Variants in GRIK1 observed in about 807,000 individuals in gnomAD.
The protein encoded by GRIK1 is glutamate ionotropic receptor kainate type subunit 1.
In GRIK1, 69 loss-of-function variants were observed where a neutral mutation model predicts 105.7. The observed-to-expected ratio is 0.65, with a 90% CI of 0.54 to 0.80. The LOEUF (loss-of-function observed/expected upper bound fraction) is 0.80, where lower values mean the gene tolerates loss of function less well. Ranked by LOEUF, GRIK1 falls within the 30% of genes least tolerant of loss-of-function variation. The pLI is 0.00. For synonymous variants in GRIK1, 438 were observed against 431.3 expected, an observed-to-expected ratio of 1.02 and a Z score of -0.19; for missense variants, 1,109 against 1,167.3, an observed-to-expected ratio of 0.95 and a Z score of 0.73.
intron 7 of GRIK1, among the ~76,000 whole-genome samples, chr21:29,600,229 T>C (rs1194037920): frequency 2.0e-5 from 3 of 152,230 alleles, no homozygotes; most frequent in African/African-American, 7.2e-5. Flanking sequence ...CTTTTTGCTA[T>C]ATAAATTAAC....
At chr21:29,793,611 C>T (rs560996289) in intron 1 of GRIK1, among the ~76,000 whole-genome samples, 266 of 152,204 alleles carry the variant, frequency 1.7e-3, no homozygotes, top group Admixed American at 4.3e-3. Flanking sequence ...GGAAAGCTGC[C>T]TTCCCCTACT....
In GRIK1 at chr21:29,872,626, G is replaced by A. The variant is rs540114198; in HGVS notation, c.118+66757C>T. Among the ~76,000 whole-genome samples the A allele has an allele frequency of 3.3e-5, 5 of 152,294 alleles. No homozygotes were observed. The South Asian group carries it at 1.0e-3, about 32-fold the overall frequency. ...AAACTGAGTAATTTTTAAGAAAAAA[G>A]AGGTTTGATGGACTCACAGTTCCAC... On this transcript the variant is annotated intron_variant, in intron 1 of 17. Transcript: ENST00000327783.
chr21:29,542,941 AAG>A lies in GRIK1; in HGVS notation c.2608-5059_2608-5058del, dbSNP rs2089994184. 7.2e-5 allele frequency among the ~76,000 whole-genome samples: 11 copies of A among 152,206 alleles called. No individual in the cohort carries two copies. In the South Asian group the frequency reaches 2.1e-3, roughly 29 times the overall value. On this transcript the variant is annotated intron_variant, in intron 16 of 17. Transcript: ENST00000327783. ...AAAAAGGATGTAGGAAAAAGGAAGA[AAG>A]AGGATATTATTGTCATTGTATAGAT...
intron 13 of GRIK1, among the ~76,000 whole-genome samples, chr21:29,578,665 A>T (rs913070268): frequency 2.0e-5 from 3 of 152,178 alleles, no homozygotes; most frequent in Non-Finnish European, 4.4e-5. Context: ...ACACAGACTT[A>T]TAATAGTTTT....
At chr21:29,906,348 C>T (rs1437772799) in intron 1 of GRIK1, among the ~76,000 whole-genome samples, 1 of 152,094 alleles carries the variant, frequency 6.6e-6, no homozygotes, top group South Asian at 2.1e-4. Flanking sequence ...TGTTAGAAAA[C>T]CTCTTTATGA....
chr21:29,807,899 A>T (rs1281347110), intron 1 of GRIK1, among the ~76,000 whole-genome samples: 1 of 152,070 alleles, frequency 6.6e-6, no homozygotes, highest in Non-Finnish European at 1.5e-5. Context: ...CTCCATCTGG[A>T]GGCTCAGTTT....
chr21:29,784,287 G>T lies in GRIK1; in HGVS notation c.119-90224C>A, dbSNP rs192480058. Among the ~76,000 whole-genome samples the T allele has an allele frequency of 2.0e-5, 3 of 152,066 alleles. No individual in the cohort carries two copies. In the South Asian group the frequency reaches 6.2e-4, roughly 31 times the overall value. On this transcript the variant is annotated intron_variant, in intron 1 of 17. Transcript: ENST00000327783. Reference sequence around the variant, plus strand: ...CAATAACCTTGTACAAGCTTATTTTGTACCTTGAGTACATGTGAAGAATAT... The same window carrying T: ...CAATAACCTTGTACAAGCTTATTTTTTACCTTGAGTACATGTGAAGAATAT...
chr21:29,873,566 A>C (rs1188148555), intron 1 of GRIK1, among the ~76,000 whole-genome samples: 1 of 152,168 alleles, frequency 6.6e-6, no homozygotes, highest in East Asian at 1.9e-4. Context: ...ATTCCTAACA[A>C]ATGTTAGCTC....
Position 29,809,993 on chromosome 21 carries a change from T to C in GRIK1, c.119-115930A>G, listed in dbSNP as rs2066968631. On this transcript the variant is annotated intron_variant, in intron 1 of 17. Coordinates refer to ENST00000327783, the MANE Select transcript of GRIK1 (RefSeq NM_001330994.2). Reference sequence around the variant, plus strand: ...TGGTGCCTCAAAACAATTACAACAGTAACATCAAAGATTACTAATCACAGC... The same window carrying C: ...TGGTGCCTCAAAACAATTACAACAGCAACATCAAAGATTACTAATCACAGC... 3.3e-5 allele frequency among the ~76,000 whole-genome samples: 5 copies of C among 152,130 alleles called. No individual in the cohort carries two copies. In the East Asian group the frequency reaches 7.7e-4, roughly 24 times the overall value.
At chr21:29,894,957 AAT>A (rs1449097798) in intron 1 of GRIK1, among the ~76,000 whole-genome samples, 2 of 152,196 alleles carry the variant, frequency 1.3e-5, no homozygotes, top group African/African-American at 4.8e-5. Context: ...GTAGCCATTT[AAT>A]ATGTTTAGAA....
At chr21:29,614,220 C>G (rs2146386783) in intron 7 of GRIK1, among the ~76,000 whole-genome samples, 1 of 152,182 alleles carries the variant, frequency 6.6e-6, no homozygotes, top group East Asian at 1.9e-4. Context: ...GGGCTGTACC[C>G]ATGGCCCAGG....
chr21:29,837,542 G>T (rs151027090), intron 1 of GRIK1, among the ~76,000 whole-genome samples: 2 of 152,102 alleles, frequency 1.3e-5, no homozygotes, highest in African/African-American at 4.8e-5. Flanking sequence ...CCACCAATGG[G>T]GGGGAATGAC....
At chr21:29,698,414 G>A (rs1191089247) in intron 1 of GRIK1, among the ~76,000 whole-genome samples, 1 of 152,156 alleles carries the variant, frequency 6.6e-6, no homozygotes, top group Non-Finnish European at 1.5e-5. Context: ...GTGGGTGAAG[G>A]GAGAAGGCAG....
At chr21:29,544,899 C>G (rs939271748) in intron 16 of GRIK1, among the ~76,000 whole-genome samples, 4 of 152,206 alleles carry the variant, frequency 2.6e-5, no homozygotes, top group African/African-American at 9.6e-5. Context: ...GGAGGGGCAC[C>G]TCCTCTGCCT....
chr21:29,805,790 G>A (rs2066847799), intron 1 of GRIK1, among the ~76,000 whole-genome samples: 1 of 152,106 alleles, frequency 6.6e-6, no homozygotes, highest in African/African-American at 2.4e-5. Context: ...CAGTGTTTGA[G>A]GTAACCACAG....
intron 1 of GRIK1, among the ~76,000 whole-genome samples, chr21:29,710,748 T>C (rs532651752): frequency 1.3e-5 from 2 of 151,480 alleles, no homozygotes; most frequent in African/African-American, 4.9e-5. Flanking sequence ...TTTCAACTTT[T>C]GCCTTTCCCT....
chr21:29,854,315 A>G (rs1278559746), intron 1 of GRIK1, among the ~76,000 whole-genome samples: 3 of 147,686 alleles, frequency 2.0e-5, no homozygotes, highest in African/African-American at 7.7e-5. Flanking sequence ...TATTCATGAG[A>G]TATTTGTTCC....
intron 1 of GRIK1, among the ~76,000 whole-genome samples, chr21:29,838,776 T>C (rs761081782): frequency 2.0e-5 from 3 of 152,122 alleles, no homozygotes; most frequent in Non-Finnish European, 2.9e-5. Context: ...TGTAATAAAA[T>C]AACAGTTACA....
At chr21:29,672,789 T>C (rs540986155) in intron 4 of GRIK1, among the ~76,000 whole-genome samples, 194 bp downstream of exon 4, 1 of 152,306 alleles carries the variant, frequency 6.6e-6, no homozygotes, top group Non-Finnish European at 1.5e-5. Context: ...ACACTCACAT[T>C]ATGGCTTCAA....
Sources: gnomAD v4.1 joint callset for allele counts (sites outside exome capture counted in the v4.1 genomes callset) on GRCh38, gnomAD v4.1.1 for gene constraint, MANE v1.5 for transcripts, NCBI Gene and HGNC (gene_info 2026-07-23, HGNC 2026-07-21) for gene names.